Variants in TMEM163 observed in about 807,000 individuals in gnomAD.
The protein encoded by TMEM163 is transmembrane protein 163.
A neutral mutation model predicts 29.3 loss-of-function variants in TMEM163; 17 were observed. The observed-to-expected ratio is 0.58, with a 90% confidence interval of 0.40 to 0.87. TMEM163 has a LOEUF of 0.87. Ranked by LOEUF, TMEM163 falls within the 40% of genes least tolerant of loss-of-function variation. TMEM163 has a pLI of 0.00. For synonymous variants in TMEM163, 157 were observed against 160.6 expected, an observed-to-expected ratio of 0.98 and a Z score of 0.17; for missense variants, 303 against 381.5, an observed-to-expected ratio of 0.79 and a Z score of 1.71.
intron 4 of TMEM163, among the ~76,000 whole-genome samples, chr2:134,543,602 T>C (rs2106504448): frequency 6.6e-6 from 1 of 152,334 alleles, no homozygotes; most frequent in South Asian, 2.1e-4. Flanking sequence ...AAAAGCAAAT[T>C]ACCTATCCAT....
chr2:134,689,600 C>T (rs1417253684), intron 2 of TMEM163, among the ~76,000 whole-genome samples: 1 of 152,144 alleles, frequency 6.6e-6, no homozygotes, highest in Non-Finnish European at 1.5e-5. Context: ...TCCAGGGAGG[C>T]CTGCTTCAGG....
intron 2 of TMEM163, among the ~76,000 whole-genome samples, chr2:134,575,760 A>G (rs574656402): frequency 1.3e-5 from 2 of 152,246 alleles, no homozygotes; most frequent in South Asian, 4.2e-4. Context: ...GCACAGATGA[A>G]CCTAGTTTGA....
chr2:134,581,185 G>C (rs142273355), intron 2 of TMEM163, among the ~76,000 whole-genome samples: 3 of 152,174 alleles, frequency 2.0e-5, no homozygotes, highest in African/African-American at 7.2e-5. Flanking sequence ...TTTGCTTCCT[G>C]AGGCACCATT....
intron 6 of TMEM163, among the ~76,000 whole-genome samples, chr2:134,462,878 G>A (rs559236246): frequency 4.3e-4 from 66 of 152,332 alleles, no homozygotes; most frequent in African/African-American, 1.6e-3. Context: ...CTCTTGCTGG[G>A]GCTCTGACTG....
At chr2:134,541,772 GCACA>G (rs57326163) in intron 4 of TMEM163, among the ~76,000 whole-genome samples, 52,192 of 149,974 alleles carry the variant, frequency 0.35, 9,712 homozygotes, top group East Asian at 0.67. Flanking sequence ...GTACACACGT[GCACA>G]CACACACACA....
rs550692676 is a variant in TMEM163 at position 134,611,191 on chromosome 2, C to T, written c.323-59100G>A. On this transcript the variant is annotated intron_variant, in intron 2 of 7. Coordinates refer to ENST00000281924, the MANE Select transcript of TMEM163 (RefSeq NM_030923.5). ...AGCTATGATTTCTCCCCAGTAGAAT[C>T]CAGGCTGTCCCAAAATGGCAAAGAT... 1.2e-4 allele frequency among the ~76,000 whole-genome samples: 18 copies of T among 152,312 alleles called. No homozygotes were observed. In the South Asian group the frequency reaches 3.5e-3, roughly 30 times the overall value.
At position 134,718,819 on chromosome 2, in the gene TMEM163, C is replaced by T. The variant is rs1031756545; in HGVS notation, c.117G>A (p.Pro39=). 4 of 1,135,618 alleles carry T rather than the reference C, an allele frequency of 3.5e-6. No individual in the cohort carries two copies. Among genetic ancestry groups the T allele is most frequent in the African/African-American group, 3.3e-5 (2 of 60,900 alleles). The allele number at this position is 1,135,618 out of a possible 1,614,324, so 70.3% of individuals were successfully genotyped here. ...CCTCCAGCTGGGGCGGCTCGCGCAC[C>T]GGGGAGCTCAGCGGGGCCGGGCCGG... ...AAPGPAPLSS[P]VREPPQLEEE... The change falls in exon 1 of 8, where the codon CCG becomes CCA. Residue 39 remains proline (P), a synonymous_variant. Coordinates refer to ENST00000281924, the MANE Select transcript of TMEM163 (RefSeq NM_030923.5).
intron 2 of TMEM163, among the ~76,000 whole-genome samples, chr2:134,709,479 T>C (rs1361819422): frequency 6.6e-6 from 1 of 152,242 alleles, no homozygotes; most frequent in Non-Finnish European, 1.5e-5. Flanking sequence ...CATAATTACA[T>C]ATGTGATCTA....
At chr2:134,548,875 G>C (rs538587541) in intron 4 of TMEM163, among the ~76,000 whole-genome samples, 1 of 152,284 alleles carries the variant, frequency 6.6e-6, no homozygotes, top group African/African-American at 2.4e-5. Context: ...GAGGTCAGGT[G>C]AGGAATTTTC....
intron 2 of TMEM163, among the ~76,000 whole-genome samples, chr2:134,678,095 C>A (rs1376307482): frequency 2.0e-5 from 3 of 152,234 alleles, no homozygotes; most frequent in African/African-American, 7.2e-5. Flanking sequence ...CTAATTGATT[C>A]TGCTGCTTCT....
intron 4 of TMEM163, among the ~76,000 whole-genome samples, chr2:134,542,852 C>T (rs1311281438): frequency 6.6e-6 from 1 of 152,194 alleles, no homozygotes; most frequent in Non-Finnish European, 1.5e-5. Flanking sequence ...GTCTTTGCTG[C>T]AATCTTTGGC....
chr2:134,457,950 G>A (rs1458911506), intron 7 of TMEM163, 82 bp downstream of exon 7: 2 of 1,595,192 alleles, frequency 1.3e-6, no homozygotes, highest in Middle Eastern at 1.7e-4. Context: ...TCAGAAGCCT[G>A]TCATTTCCTG....
At chr2:134,635,088 T>C (rs544535841) in intron 2 of TMEM163, among the ~76,000 whole-genome samples, 1 of 152,294 alleles carries the variant, frequency 6.6e-6, no homozygotes, top group African/African-American at 2.4e-5. Context: ...TGAGATTGGC[T>C]TAAAAATATG....
chr2:134,646,063 TA>T (rs1244242140), intron 2 of TMEM163, among the ~76,000 whole-genome samples: 2 of 152,010 alleles, frequency 1.3e-5, no homozygotes, highest in African/African-American at 4.8e-5. Context: ...CATGCAAACA[TA>T]GTCTCAATGT....
intron 2 of TMEM163, among the ~76,000 whole-genome samples, chr2:134,574,764 G>C (rs1189529757): frequency 6.6e-6 from 1 of 152,168 alleles, no homozygotes; most frequent in Non-Finnish European, 1.5e-5. Context: ...TTTCCCAGCT[G>C]CAAGGAAGGA....
rs1473116659 is a variant in TMEM163 at position 134,655,147 on chromosome 2, C to T, written c.322+58053G>A. The stretch of plus-strand genomic sequence containing the variant: ...GGATAATATCCTGCAGAGTGTTTTC[C>T]AACTTGGTTCCATTCTCACCATCAC... On this transcript the variant is annotated intron_variant, in intron 2 of 7. Coordinates refer to ENST00000281924, the MANE Select transcript of TMEM163 (RefSeq NM_030923.5). Among the ~76,000 whole-genome samples, 37 of 139,254 alleles carry T rather than the reference C, an allele frequency of 2.7e-4. 4 individuals are homozygous for T. The highest frequency in any genetic ancestry group is 2.5e-3 in the Admixed American group (35 of 14,228). The allele number at this position is 139,254 out of a possible 152,430, so 91.4% of individuals were successfully genotyped here.
At position 134,456,740 on chromosome 2, in the gene TMEM163, T is replaced by C; in HGVS notation, c.846A>G (p.Thr282=). Residue 282 remains threonine (T), a synonymous_variant, in exon 8 of 8, where the codon ACA becomes ACG. Coordinates refer to ENST00000281924, the MANE Select transcript of TMEM163 (RefSeq NM_030923.5). ...TTCACTCAAACATCTCGTAGTGACG[T>C]GTCTGCCTCACCCTCGGCACCATGT... ...LIDMVPRVRQ[T]RHYEMFE 1 of 1,613,660 alleles carries C rather than the reference T, an allele frequency of 6.2e-7. No homozygotes were observed. The highest frequency in any genetic ancestry group is 8.5e-7 in the Non-Finnish European group (1 of 1,179,938).
chr2:134,464,708 A>ACAACCAGCCCACACCCC (rs1435445350), intron 6 of TMEM163, among the ~76,000 whole-genome samples: 11 of 152,018 alleles, frequency 7.2e-5, no homozygotes, highest in Non-Finnish European at 5.9e-5. Flanking sequence ...CCCAACAAGG[A>ACAACCAGCCCACACCCC]CAACCAGCCC....
chr2:134,494,755 G>A (rs796868074), intron 5 of TMEM163, among the ~76,000 whole-genome samples: 2 of 152,290 alleles, frequency 1.3e-5, no homozygotes, highest in African/African-American at 4.8e-5. Flanking sequence ...AGAAACTGAG[G>A]CAGAGAGAGA....
Sources: allele counts gnomAD v4.1 joint callset (sites outside exome capture counted in the v4.1 genomes callset), GRCh38; gene constraint gnomAD v4.1.1; transcripts MANE v1.5; gene names NCBI Gene and HGNC (gene_info 2026-07-23, HGNC 2026-07-21).